Variants in CSMD1 observed in about 807,000 individuals in gnomAD.
The protein encoded by CSMD1 is CUB and sushi domain-containing protein 1.
A neutral mutation model predicts 417.5 loss-of-function variants in CSMD1; 213 were observed. The observed-to-expected ratio is 0.51, with a 90% CI of 0.46 to 0.57. The LOEUF (loss-of-function observed/expected upper bound fraction) is 0.57, where lower values mean the gene tolerates loss of function less well. CSMD1 is among the 20% of genes least tolerant of loss of function. The pLI, the probability that CSMD1 is intolerant of heterozygous loss-of-function variation, is 0.00. For synonymous variants in CSMD1, 2,862 were observed against 1,736.8 expected (o/e 1.65, Z -16.11); for missense variants, 6,923 against 4,529.7 (o/e 1.53, Z -15.17).
intron 1 of CSMD1, among the ~76,000 whole-genome samples, chr8:4,662,919 G>C (rs1472050100): frequency 6.6e-6 from 1 of 152,126 alleles, no homozygotes; most frequent in Non-Finnish European, 1.5e-5. Context: ...AAGAGAGAAA[G>C]AAAAAGGAAA....
chr8:3,121,681 C>T lies in CSMD1; in HGVS notation c.6242-3094G>A, dbSNP rs112133282. Reference sequence around the variant, plus strand: ...GGGAGCAGTGACTCATGCCTGTGGTCCCAGTTACTAGGGAGGCTGGGGCAG... The same window carrying T: ...GGGAGCAGTGACTCATGCCTGTGGTTCCAGTTACTAGGGAGGCTGGGGCAG... On this transcript the variant is annotated intron_variant, in intron 41 of 69. Transcript: ENST00000635120. 1.0e-2 allele frequency among the ~76,000 whole-genome samples: 1,516 copies of T among 152,232 alleles called. 24 individuals are homozygous for T. Among genetic ancestry groups the T allele is most frequent in the African/African-American group, 0.031 (1,303 of 41,534 alleles).
chr8:3,973,454 G>T (rs961650257), intron 5 of CSMD1, among the ~76,000 whole-genome samples: 4 of 152,248 alleles, frequency 2.6e-5, no homozygotes, highest in Non-Finnish European at 1.5e-5. Flanking sequence ...TTGAAAATAT[G>T]TTGCAATATT....
chr8:3,704,415 G>T (rs1435509838), intron 7 of CSMD1, among the ~76,000 whole-genome samples: 2 of 152,110 alleles, frequency 1.3e-5, no homozygotes, highest in Admixed American at 1.3e-4. Context: ...CAAATCCACA[G>T]TTATACAAAC....
At chr8:4,693,406 G>C (rs573462540) in intron 1 of CSMD1, among the ~76,000 whole-genome samples, 2 of 152,240 alleles carry the variant, frequency 1.3e-5, no homozygotes, top group Non-Finnish European at 2.9e-5. Context: ...TCCTGGAGGT[G>C]TGTTCTGGCT....
At chr8:4,109,790 G>A (rs937607999) in intron 3 of CSMD1, among the ~76,000 whole-genome samples, 3 of 152,152 alleles carry the variant, frequency 2.0e-5, no homozygotes, top group African/African-American at 7.2e-5. Flanking sequence ...GTCATTGACT[G>A]AGAGACTAAA....
intron 41 of CSMD1, among the ~76,000 whole-genome samples, chr8:3,127,105 G>T (rs1333712472): frequency 6.6e-6 from 1 of 152,228 alleles, no homozygotes; most frequent in East Asian, 1.9e-4. Context: ...TCAGGTCCTA[G>T]TTTCTAAGAG....
intron 1 of CSMD1, among the ~76,000 whole-genome samples, chr8:4,798,540 C>G (rs1025523143): frequency 1.5e-4 from 23 of 152,138 alleles, no homozygotes; most frequent in African/African-American, 4.8e-4. Flanking sequence ...TATCTGACAA[C>G]TAGTCACAGG....
At chr8:4,464,580 G>C (rs1800041027) in intron 2 of CSMD1, among the ~76,000 whole-genome samples, 1 of 152,106 alleles carries the variant, frequency 6.6e-6, no homozygotes, top group Non-Finnish European at 1.5e-5. Context: ...CTCAACGGGT[G>C]GTTTCTACTG....
At chr8:4,463,694 A>C (rs1799979402) in intron 2 of CSMD1, among the ~76,000 whole-genome samples, 1 of 152,206 alleles carries the variant, frequency 6.6e-6, no homozygotes, top group Non-Finnish European at 1.5e-5. Flanking sequence ...TGTCCAGAAT[A>C]GGCCAATCCC....
chr8:3,159,892 G>C (rs990729411), intron 38 of CSMD1, among the ~76,000 whole-genome samples: 18 of 152,106 alleles, frequency 1.2e-4, no homozygotes, highest in African/African-American at 3.9e-4. Flanking sequence ...ATTTATAAAA[G>C]AACGGCAACA....
intron 6 of CSMD1, among the ~76,000 whole-genome samples, chr8:3,717,771 C>T (rs1016090317): frequency 2.6e-5 from 4 of 152,098 alleles, no homozygotes; most frequent in Non-Finnish European, 5.9e-5. Flanking sequence ...GAACAGTTTT[C>T]CTAAGGTATT....
intron 3 of CSMD1, among the ~76,000 whole-genome samples, chr8:4,317,405 G>C (rs1028044152): frequency 2.6e-5 from 4 of 152,090 alleles, no homozygotes; most frequent in African/African-American, 7.2e-5. Context: ...AACTCAAATG[G>C]TTACAAAACC....
At chr8:3,917,322 T>A (rs1563208716) in intron 5 of CSMD1, among the ~76,000 whole-genome samples, 1 of 151,650 alleles carries the variant, frequency 6.6e-6, no homozygotes, top group Non-Finnish European at 1.5e-5. Context: ...GACTCAGGAG[T>A]GAATGCTAAG....
At chr8:4,742,300 G>A (rs1020649795) in intron 1 of CSMD1, among the ~76,000 whole-genome samples, 1 of 151,738 alleles carries the variant, frequency 6.6e-6, no homozygotes, top group Non-Finnish European at 1.5e-5. Context: ...AAAGTGCTGA[G>A]ATTATAGGCA....
chr8:4,985,240 T>C (rs911610512), intron 1 of CSMD1, among the ~76,000 whole-genome samples: 3 of 151,986 alleles, frequency 2.0e-5, no homozygotes, highest in Admixed American at 6.6e-5. Flanking sequence ...GGGAGAGGAT[T>C]AGGAAAAGTA....
chr8:4,158,472 T>A (rs550023983), intron 3 of CSMD1, among the ~76,000 whole-genome samples: 31 of 152,198 alleles, frequency 2.0e-4, no homozygotes, highest in Non-Finnish European at 3.2e-4. Context: ...ATACAGCCGC[T>A]AGTGCAGTCA....
At chr8:3,813,174 A>C (rs1000179613) in intron 5 of CSMD1, among the ~76,000 whole-genome samples, 1 of 151,684 alleles carries the variant, frequency 6.6e-6, no homozygotes, top group Non-Finnish European at 1.5e-5. Context: ...TTTCAAAGAA[A>C]TTCATGACAT....
chr8:4,805,759 T>C (rs867469231), intron 1 of CSMD1, among the ~76,000 whole-genome samples: 1 of 152,204 alleles, frequency 6.6e-6, no homozygotes, highest in Non-Finnish European at 1.5e-5. Flanking sequence ...TCATATTCCA[T>C]TAATGAATAC....
intron 2 of CSMD1, among the ~76,000 whole-genome samples, chr8:4,623,761 AT>A (rs1319905541): frequency 6.6e-6 from 1 of 152,088 alleles, no homozygotes; most frequent in African/African-American, 2.4e-5. Flanking sequence ...ATTTCATATA[AT>A]TTGGCATATA....
Sources: allele counts gnomAD v4.1 joint callset (sites outside exome capture counted in the v4.1 genomes callset), GRCh38; gene constraint gnomAD v4.1.1; transcripts MANE v1.5; gene names NCBI Gene and HGNC (gene_info 2026-07-23, HGNC 2026-07-21).